ACACA: variants seen among roughly 807,000 people sequenced by gnomAD.
The protein encoded by ACACA is acetyl-CoA carboxylase alpha.
Under a neutral mutation model 296.1 loss-of-function variants are expected in ACACA, and 103 were observed. The ratio of observed to expected loss-of-function variants is 0.35; its 90% CI spans 0.30 to 0.41. The LOEUF is 0.41. ACACA is among the 10% of genes least tolerant of loss of function. ACACA has a pLI of 1.00. For missense variants in ACACA, 1,554 were observed against 2,989.7 expected, an observed-to-expected ratio of 0.52 and a Z score of 11.20; for synonymous variants, 953 against 1,038.6, an observed-to-expected ratio of 0.92 and a Z score of 1.58.
Position 37,339,862 on chromosome 17 carries a change from G to A in ACACA, c.39-12C>T, listed in dbSNP as rs763279113. On this transcript the variant is annotated splice_polypyrimidine_tract_variant and intron_variant, in intron 1 of 55. Transcript: ENST00000616317. ...ACTTCCAAAAAGACCTAGAGAGAAAGAGAAAGATTTTAAGGTTTTTTTTTT... is the reference window on the plus strand; with the variant it reads ...ACTTCCAAAAAGACCTAGAGAGAAAAAGAAAGATTTTAAGGTTTTTTTTTT... The A allele has an allele frequency of 8.3e-6, 9 of 1,080,862 alleles. No homozygotes were observed. Among genetic ancestry groups the A allele is most frequent in the African/African-American group, 6.0e-5 (3 of 49,976 alleles). The allele number at this position is 1,080,862 out of a possible 1,614,324, so 67.0% of individuals were successfully genotyped here.
chr17:37,156,501 AT>A (rs1247144045), intron 42 of ACACA, among the ~76,000 whole-genome samples: 4 of 152,248 alleles, frequency 2.6e-5, no homozygotes, highest in African/African-American at 9.6e-5. Flanking sequence ...ATCAAAATAA[AT>A]ATAAGCAAGG....
In ACACA at chr17:37,117,801, T is replaced by C. The variant is rs200962217; in HGVS notation, c.6274+3554A>G. Reference sequence around the variant, plus strand: ...GCCGACTAGTAGAGTTTTTTTTTTTTCCCTTCACTAATGTCAATTTTCAGC... The same window carrying C: ...GCCGACTAGTAGAGTTTTTTTTTTTCCCCTTCACTAATGTCAATTTTCAGC... On this transcript the variant is annotated intron_variant, in intron 50 of 55. Coordinates refer to ENST00000616317, the MANE Select transcript of ACACA (RefSeq NM_198834.3). 7.3e-5 allele frequency among the ~76,000 whole-genome samples: 11 copies of C among 151,658 alleles called. 1 individual carries two copies. The South Asian group carries it at 1.3e-3, about 17-fold the overall frequency.
intron 1 of ACACA, chr17:37,386,067 C>T: frequency 6.2e-7 from 1 of 1,606,114 alleles, no homozygotes; most frequent in Non-Finnish European, 8.5e-7. Context: ...AGACTTTTCC[C>T]ACCACTGCCC....
chr17:37,375,855 G>C, intron 1 of ACACA: 1 of 466,584 alleles, frequency 2.1e-6, no homozygotes, highest in South Asian at 4.9e-5. Context: ...GTCGGCACCG[G>C]CAGCGAAGTC....
At chr17:37,355,645 C>T (rs1180428664) in intron 1 of ACACA, among the ~76,000 whole-genome samples, 2 of 151,804 alleles carry the variant, frequency 1.3e-5, no homozygotes, top group Non-Finnish European at 2.9e-5. Context: ...TATCCGAGGT[C>T]GGGAGTTCGA....
intron 30 of ACACA, among the ~76,000 whole-genome samples, chr17:37,209,686 T>G (rs1311951469): frequency 2.6e-5 from 4 of 152,236 alleles, no homozygotes; most frequent in African/African-American, 9.6e-5. Flanking sequence ...AATGTAAATC[T>G]ATAAATAGTT....
intron 1 of ACACA, among the ~76,000 whole-genome samples, chr17:37,346,498 G>C (rs548953528): frequency 1.3e-5 from 2 of 151,838 alleles, no homozygotes; most frequent in East Asian, 1.9e-4. Context: ...TCAGGAGATC[G>C]AGACCATCCT....
chr17:37,373,381 G>T, intron 1 of ACACA, among the ~76,000 whole-genome samples: 1 of 152,082 alleles, frequency 6.6e-6, no homozygotes, highest in East Asian at 1.9e-4. Flanking sequence ...CCAAGTAGCT[G>T]GGATTAGAGA....
intron 1 of ACACA, among the ~76,000 whole-genome samples, chr17:37,386,437 C>T (rs910213913): frequency 6.6e-6 from 1 of 152,034 alleles, no homozygotes; most frequent in Non-Finnish European, 1.5e-5. Flanking sequence ...ACTAAAAATA[C>T]AAAAATTAGC....
At chr17:37,191,962 CA>C in intron 37 of ACACA, 127 bp downstream of exon 37, 1 of 969,940 alleles carries the variant, frequency 1.0e-6, no homozygotes, top group Non-Finnish European at 1.5e-6. Flanking sequence ...AACCTTGATT[CA>C]AAAAATGAAA....
rs528192823 is a variant in ACACA, at chr17:37,217,079, C to A, written c.3683+4645G>T. Among the ~76,000 whole-genome samples, 10 of 150,946 alleles carry A rather than the reference C, an allele frequency of 6.6e-5. 1 individual carries two copies. Among genetic ancestry groups the A allele is most frequent in the African/African-American group, 2.2e-4 (9 of 41,128 alleles). ...GGTGTTGGAGACAGCCTGACCAACA[C>A]GGAGAAACCCCGTCTTTACTAAAAA... On this transcript the variant is annotated intron_variant, in intron 29 of 55. Coordinates refer to ENST00000616317, the MANE Select transcript of ACACA (RefSeq NM_198834.3).
At chr17:37,241,909 A>AT in intron 23 of ACACA, 44 bp downstream of exon 23, 1 of 1,496,706 alleles carries the variant, frequency 6.7e-7, no homozygotes, top group Non-Finnish European at 9.3e-7. Context: ...AAAGGAAGAC[A>AT]TGAGTATGGA....
intron 1 of ACACA, among the ~76,000 whole-genome samples, chr17:37,348,825 T>C (rs1336562783): frequency 6.6e-6 from 1 of 150,948 alleles, no homozygotes; most frequent in Non-Finnish European, 1.5e-5. Flanking sequence ...GGTGGGCGCC[T>C]GTAGGCCCAG....
chr17:37,266,632 C>T (rs1277137575), intron 10 of ACACA, among the ~76,000 whole-genome samples: 2 of 152,048 alleles, frequency 1.3e-5, no homozygotes, highest in Admixed American at 1.3e-4. Flanking sequence ...TGGAGAGACT[C>T]GGGATGAGAA....
At chr17:37,103,906 G>A (rs972351620) in intron 52 of ACACA, among the ~76,000 whole-genome samples, 8 of 152,142 alleles carry the variant, frequency 5.3e-5, no homozygotes, top group Admixed American at 5.2e-4. Flanking sequence ...GCCAGGCATG[G>A]TGAAGCGTGC....
At chr17:37,164,145 G>T (rs2076574165) in intron 41 of ACACA, among the ~76,000 whole-genome samples, 1 of 141,080 alleles carries the variant, frequency 7.1e-6, no homozygotes, top group African/African-American at 2.7e-5. Flanking sequence ...CCCTGGTCCT[G>T]CCTAATGGAG....
chr17:37,331,788 C>T lies in ACACA; in HGVS notation c.86-1363G>A, dbSNP rs1055490610. Reference sequence around the variant, plus strand: ...AACTCCTGGGCTCAAGCAATCCTCTCACCTTAGGCTCCCAAACTGCTGGGA... The same window carrying T: ...AACTCCTGGGCTCAAGCAATCCTCTTACCTTAGGCTCCCAAACTGCTGGGA... On this transcript the variant is annotated intron_variant, in intron 2 of 55. Coordinates refer to ENST00000616317, the MANE Select transcript of ACACA (RefSeq NM_198834.3). Among the ~76,000 whole-genome samples the T allele has an allele frequency of 2.0e-5, 3 of 152,000 alleles. No homozygotes were observed. In the South Asian group the frequency reaches 6.2e-4, roughly 32 times the overall value.
At chr17:37,372,927 C>A (rs151013949) in intron 1 of ACACA, among the ~76,000 whole-genome samples, 18 of 151,734 alleles carry the variant, frequency 1.2e-4, no homozygotes, top group African/African-American at 4.4e-4. Context: ...GTCACCCAGG[C>A]TGGAGTGCAG....
intron 50 of ACACA, among the ~76,000 whole-genome samples, chr17:37,114,062 C>T (rs1164418462): frequency 2.0e-5 from 3 of 152,114 alleles, no homozygotes; most frequent in Non-Finnish European, 4.4e-5. Context: ...TGGTGCATGC[C>T]TGCAGTCCCA....
Sources: allele counts gnomAD v4.1 joint callset (sites outside exome capture counted in the v4.1 genomes callset), GRCh38; gene constraint gnomAD v4.1.1; transcripts MANE v1.5; gene names NCBI Gene and HGNC (gene_info 2026-07-23, HGNC 2026-07-21).